The following CFTR variants were observed in gnomAD, a reference collection of about 807,000 sequenced individuals.
CFTR encodes CF transmembrane conductance regulator.
CFTR carries 181 observed loss-of-function variants against 171.6 expected under a neutral mutation model. That is an observed-to-expected ratio of 1.05 (90% confidence interval 0.93 to 1.19). The LOEUF (loss-of-function observed/expected upper bound fraction) is 1.19. Ranked by LOEUF, CFTR falls within the 50% of genes most tolerant of loss-of-function variation. CFTR has a pLI of 0.00. For missense variants in CFTR, 1,968 were observed against 1,734.7 expected, an observed-to-expected ratio of 1.13 and a Z score of -2.39; for synonymous variants, 583 against 608.0, an observed-to-expected ratio of 0.96 and a Z score of 0.60.
intron 22 of CFTR, among the ~76,000 whole-genome samples, chr7:117,630,742 C>T (rs1232593751): frequency 1.3e-5 from 2 of 152,130 alleles, no homozygotes; most frequent in Non-Finnish European, 1.5e-5. Flanking sequence ...GGGCAGGTTC[C>T]CTCATCTGTG....
rs560749548 is a variant in CFTR at position 117,481,953 on chromosome 7, T to C, written c.53+1806T>C. On this transcript the variant is annotated intron_variant, in intron 1 of 26. Transcript: ENST00000003084. ...TGTGTGTGACTTGACCTTTAAAATT[T>C]GGAGACTGTCATAGGGGTTAATCCC... Among the ~76,000 whole-genome samples, 60 of 152,344 alleles carry C rather than the reference T, an allele frequency of 3.9e-4. 3 individuals are homozygous for C. The South Asian group carries it at 0.012, about 29-fold the overall frequency.
chr7:117,630,789 G>A (rs1475186356), intron 22 of CFTR, among the ~76,000 whole-genome samples: 5 of 152,158 alleles, frequency 3.3e-5, no homozygotes, highest in Admixed American at 6.5e-5. Context: ...GGGGTGGTTC[G>A]GAGATTCTCT....
intron 9 of CFTR, 43 bp from the exon 10 acceptor site, chr7:117,548,598 T>C (rs1799206250): frequency 1.9e-6 from 3 of 1,581,558 alleles, no homozygotes; most frequent in Non-Finnish European, 1.7e-6. Flanking sequence ...ACTCATCTTT[T>C]ATTTTTGATG....
At chr7:117,488,611 C>G (rs568353140) in intron 1 of CFTR, among the ~76,000 whole-genome samples, 1 of 152,094 alleles carries the variant, frequency 6.6e-6, no homozygotes, top group East Asian at 1.9e-4. Context: ...CAATGTTTTT[C>G]ACAATTTTTT....
At chr7:117,623,695 A>C (rs1357328171) in intron 21 of CFTR, among the ~76,000 whole-genome samples, 4 of 152,200 alleles carry the variant, frequency 2.6e-5, no homozygotes, top group African/African-American at 9.6e-5. Context: ...GTAGACCTAC[A>C]GCACTGTCAT....
chr7:117,666,531 A>T (rs930367929), intron 26 of CFTR, among the ~76,000 whole-genome samples: 3 of 152,182 alleles, frequency 2.0e-5, no homozygotes, highest in African/African-American at 7.2e-5. Context: ...CATCCTGACC[A>T]ATTTGGAATT....
At chr7:117,583,330 C>G (rs1330887128) in intron 11 of CFTR, among the ~76,000 whole-genome samples, 1 of 151,800 alleles carries the variant, frequency 6.6e-6, no homozygotes, top group Non-Finnish European at 1.5e-5. Flanking sequence ...CCCCGCTCCA[C>G]CCTTCCTTTA....
Position 117,642,562 on chromosome 7 carries a change from A to G in CFTR, c.3842A>G (p.Gln1281Arg), listed in dbSNP as rs752127256. The G allele has an allele frequency of 1.9e-6, 3 of 1,613,532 alleles. No individual in the cohort carries two copies. Among genetic ancestry groups the G allele is most frequent in the South Asian group, 2.2e-5 (2 of 91,070 alleles). ...GVSWDSITLQ[Q>R]WRKAFGVIPQ... Reference sequence around the variant, plus strand: ...TCTTGGGATTCAATAACTTTGCAACAGTGGAGGAAAGCCTTTGGAGTGATA... The same window carrying G: ...TCTTGGGATTCAATAACTTTGCAACGGTGGAGGAAAGCCTTTGGAGTGATA... Residue 1281 changes from glutamine (Q) to arginine (R), a missense_variant, in exon 23 of 27, where the codon CAG (glutamine) becomes CGG (arginine). Coordinates refer to ENST00000003084, the MANE Select transcript of CFTR (RefSeq NM_000492.4).
At chr7:117,595,118 G>A in intron 15 of CFTR, 60 bp downstream of exon 15, 2 of 1,402,264 alleles carry the variant, frequency 1.4e-6, no homozygotes, top group South Asian at 2.3e-5. Context: ...ATAGTTTGGG[G>A]ATGTATACAT....
At chr7:117,562,708 C>T (rs534249912) in intron 11 of CFTR, among the ~76,000 whole-genome samples, 2 of 152,092 alleles carry the variant, frequency 1.3e-5, no homozygotes, top group Non-Finnish European at 2.9e-5. Flanking sequence ...GGGAAAGAGA[C>T]CATTTCAATA....
intron 11 of CFTR, among the ~76,000 whole-genome samples, chr7:117,561,029 C>T (rs1799455797): frequency 6.6e-6 from 1 of 151,944 alleles, no homozygotes; most frequent in African/African-American, 2.4e-5. Flanking sequence ...TTGATTTCCT[C>T]AAGTCAACCT....
intron 11 of CFTR, among the ~76,000 whole-genome samples, chr7:117,561,536 T>A (rs1352996318): frequency 1.3e-5 from 2 of 152,142 alleles, no homozygotes; most frequent in Non-Finnish European, 1.5e-5. Context: ...TAAATTTGTC[T>A]CTTTTGGACA....
At chr7:117,553,354 TA>T (rs1488443296) in intron 10 of CFTR, among the ~76,000 whole-genome samples, 1 of 152,194 alleles carries the variant, frequency 6.6e-6, no homozygotes, top group African/African-American at 2.4e-5. Flanking sequence ...AATATTTTGT[TA>T]ACACAAAGAA....
rs187004240 is a variant in CFTR at position 117,579,778 on chromosome 7, A to G, written c.1585-7961A>G. ...AGAAAAGCCAGAAATGGATCTTAGG[A>G]AACATGAGAATATGATATATGATAG... On this transcript the variant is annotated intron_variant, in intron 11 of 26. Coordinates refer to ENST00000003084, the MANE Select transcript of CFTR (RefSeq NM_000492.4). 6.6e-4 allele frequency among the ~76,000 whole-genome samples: 100 copies of G among 151,788 alleles called. 1 individual carries two copies. The highest frequency in any genetic ancestry group is 2.3e-3 in the African/African-American group (95 of 41,512).
chr7:117,606,024 G>A (rs111811152), intron 17 of CFTR, among the ~76,000 whole-genome samples: 2,472 of 152,276 alleles, frequency 0.016, 16 homozygotes, highest in Middle Eastern at 0.037. Context: ...TAATTTCAGT[G>A]CCTAGCATTG....
At chr7:117,606,317 G>T (rs1215408417) in intron 17 of CFTR, among the ~76,000 whole-genome samples, 1 of 152,158 alleles carries the variant, frequency 6.6e-6, no homozygotes, top group Non-Finnish European at 1.5e-5. Flanking sequence ...GATGACAACA[G>T]TAAGTTGTCA....
intron 22 of CFTR, among the ~76,000 whole-genome samples, chr7:117,629,293 GA>G (rs962107207): frequency 2.0e-5 from 3 of 152,124 alleles, no homozygotes; most frequent in Non-Finnish European, 2.9e-5. Flanking sequence ...TTTGTCAAAA[GA>G]CAAAATGACA....
chr7:117,557,950 T>A (rs1464271593), intron 10 of CFTR, among the ~76,000 whole-genome samples: 1 of 152,194 alleles, frequency 6.6e-6, no homozygotes, highest in Non-Finnish European at 1.5e-5. Flanking sequence ...TTATAAAAAA[T>A]AATTGTGGTG....
chr7:117,570,933 A>G (rs1791678225), intron 11 of CFTR, among the ~76,000 whole-genome samples: 1 of 152,226 alleles, frequency 6.6e-6, no homozygotes, highest in South Asian at 2.1e-4. Context: ...TCAAGCTACC[A>G]TAATCCTAAG....
Sources: allele counts gnomAD v4.1 joint callset (sites outside exome capture counted in the v4.1 genomes callset), GRCh38; gene constraint gnomAD v4.1.1; transcripts MANE v1.5; gene names NCBI Gene and HGNC (gene_info 2026-07-23, HGNC 2026-07-21).